Variants in WDFY3 observed in about 807,000 individuals in gnomAD.
WDFY3 encodes the protein WD repeat and FYVE domain-containing protein 3.
A neutral mutation model predicts 409.6 loss-of-function variants in WDFY3; 66 were observed. The ratio of observed to expected loss-of-function variants is 0.16; its 90% CI spans 0.13 to 0.20. WDFY3 has a LOEUF of 0.20. WDFY3 is among the 10% of genes least tolerant of loss of function. WDFY3 has a pLI of 1.00. For missense variants in WDFY3, 3,031 were observed against 4,298.1 expected (o/e 0.71, Z 8.24); for synonymous variants, 1,521 against 1,537.1 (o/e 0.99, Z 0.25).
At chr4:84,933,938 A>G (rs1267844480) in intron 1 of WDFY3, among the ~76,000 whole-genome samples, 3 of 152,070 alleles carry the variant, frequency 2.0e-5, no homozygotes, top group Admixed American at 6.6e-5. Flanking sequence ...ATAGACACTT[A>G]GTTTGCATCC....
At chr4:84,781,117 C>T (rs914315633) in intron 25 of WDFY3, among the ~76,000 whole-genome samples, 2 of 151,984 alleles carry the variant, frequency 1.3e-5, no homozygotes, top group African/African-American at 4.8e-5. Flanking sequence ...ACATTACTGA[C>T]CATTACCCAG....
chr4:84,694,049 A>G (rs1447137773), intron 58 of WDFY3, among the ~76,000 whole-genome samples: 2 of 152,190 alleles, frequency 1.3e-5, no homozygotes, highest in African/African-American at 4.8e-5. Context: ...TAAATACGAC[A>G]CCATCACACT....
intron 30 of WDFY3, among the ~76,000 whole-genome samples, chr4:84,769,041 A>G (rs565215552): frequency 3.3e-5 from 5 of 152,318 alleles, no homozygotes; most frequent in Admixed American, 1.3e-4. Flanking sequence ...CAGATGTGGT[A>G]GAAACAGCAA....
chr4:84,860,449 T>C lies in WDFY3; in HGVS notation c.143A>G (p.Glu48Gly). The change falls in exon 4 of 68, where the codon GAA becomes GGA. Residue 48 changes from glutamate (E) to glycine (G), a missense_variant. Physicochemically the swap from Glu to Gly is moderately conservative, Grantham distance 98 (BLOSUM62 -2). Coordinates refer to ENST00000295888, the MANE Select transcript of WDFY3 (RefSeq NM_014991.6). ...PPRHMTQKEQ[E>G]EKLYMMLPVF... Reference sequence around the variant, plus strand: ...TGGCAGCATCATATACAGTTTCTCTTCTTGTTCCTTCTGAGTCATGTGCCG... The same window carrying C: ...TGGCAGCATCATATACAGTTTCTCTCCTTGTTCCTTCTGAGTCATGTGCCG... The C allele has an allele frequency of 3.1e-6, 5 of 1,614,090 alleles. No homozygotes were observed. The highest frequency in any genetic ancestry group is 4.2e-6 in the Non-Finnish European group (5 of 1,179,998).
intron 1 of WDFY3, among the ~76,000 whole-genome samples, chr4:84,941,717 C>G (rs1019913786): frequency 1.3e-5 from 2 of 151,854 alleles, no homozygotes; most frequent in Admixed American, 1.3e-4. Flanking sequence ...CAAGAATAGT[C>G]AAAACGATTT....
chr4:84,830,222 G>A (rs1446240510), intron 8 of WDFY3, among the ~76,000 whole-genome samples: 1 of 152,106 alleles, frequency 6.6e-6, no homozygotes, highest in Non-Finnish European at 1.5e-5. Context: ...TTCTCAACTT[G>A]ATGATTTGAC....
In WDFY3 at chr4:84,735,064, T is replaced by A. The variant is rs1231687574; in HGVS notation, c.6972A>T (p.Thr2324=). 6.2e-7 allele frequency: 1 copy of A among 1,613,068 alleles called. No individual in the cohort carries two copies. The highest frequency in any genetic ancestry group is 1.1e-5 in the South Asian group (1 of 90,992). The change falls in exon 43 of 68, where the codon ACA becomes ACT. Residue 2324 remains threonine, a synonymous_variant. Transcript: ENST00000295888. ...HIAVVRDLVD[T]QYKEYQERQQ... Reference sequence around the variant, plus strand: ...TTACCTCCTGATATTCTTTATATTGTGTATCTACTAAGTCACGAACAACAG... The same window carrying A: ...TTACCTCCTGATATTCTTTATATTGAGTATCTACTAAGTCACGAACAACAG...
At chr4:84,793,489 A>C (rs182893870) in intron 21 of WDFY3, among the ~76,000 whole-genome samples, 1 of 152,284 alleles carries the variant, frequency 6.6e-6, no homozygotes, top group East Asian at 1.9e-4. Context: ...CTAGTTCATT[A>C]TTTTTTCCCA....
At chr4:84,717,312 T>G (rs990937062) in intron 48 of WDFY3, among the ~76,000 whole-genome samples, 1 of 152,184 alleles carries the variant, frequency 6.6e-6, no homozygotes, top group Non-Finnish European at 1.5e-5. Context: ...AGAAAATGTC[T>G]TAATTTCTTT....
chr4:84,860,880 T>C (rs1760514460), intron 3 of WDFY3, among the ~76,000 whole-genome samples: 1 of 152,158 alleles, frequency 6.6e-6, no homozygotes, highest in Admixed American at 6.5e-5. Context: ...ATCAGACAAG[T>C]AATAAATGTT....
intron 49 of WDFY3, among the ~76,000 whole-genome samples, chr4:84,715,680 C>T (rs914046522): frequency 6.8e-6 from 1 of 147,128 alleles, no homozygotes; most frequent in Admixed American, 7.1e-5. Flanking sequence ...GAGGCTGAGG[C>T]AGGAGAATGG....
At chr4:84,897,550 T>C (rs1765803688) in intron 2 of WDFY3, among the ~76,000 whole-genome samples, 1 of 152,076 alleles carries the variant, frequency 6.6e-6, no homozygotes, top group African/African-American at 2.4e-5. Flanking sequence ...GCCTGGCTAA[T>C]TTTTACATTT....
intron 38 of WDFY3, 102 bp from the exon 39 acceptor site, chr4:84,740,518 C>A: frequency 9.1e-7 from 1 of 1,104,068 alleles, no homozygotes. Context: ...ATACCAGATG[C>A]CATGCTAAGT....
chr4:84,678,671 T>G (rs182501981), intron 65 of WDFY3, among the ~76,000 whole-genome samples: 173 of 152,346 alleles, frequency 1.1e-3, no homozygotes, highest in Non-Finnish European at 2.1e-3. Context: ...GTTTCTAGTT[T>G]GAGGTATTTT....
intron 30 of WDFY3, among the ~76,000 whole-genome samples, chr4:84,770,006 T>A (rs895382643): frequency 6.6e-6 from 1 of 151,660 alleles, no homozygotes; most frequent in African/African-American, 2.4e-5. Flanking sequence ...TTTTTAGCAA[T>A]AAAAAACTTT....
chr4:84,707,975 A>C (rs1732257611), intron 53 of WDFY3, among the ~76,000 whole-genome samples: 1 of 152,208 alleles, frequency 6.6e-6, no homozygotes, highest in African/African-American at 2.4e-5. Context: ...AAGGATAAGC[A>C]GTCATGATTC....
chr4:84,768,109 CAA>C (rs1328755231), intron 30 of WDFY3, among the ~76,000 whole-genome samples: 1 of 151,948 alleles, frequency 6.6e-6, no homozygotes, highest in Non-Finnish European at 1.5e-5. Flanking sequence ...AAAGAAAAAA[CAA>C]AGAAAAGCTG....
chr4:84,692,747 T>C, intron 59 of WDFY3, 138 bp downstream of exon 59: 1 of 780,506 alleles, frequency 1.3e-6, no homozygotes, highest in Non-Finnish European at 1.9e-6. Context: ...AGTAGGTATT[T>C]AGTAATCTAA....
At position 84,836,909 on chromosome 4, in the gene WDFY3, G is replaced by C. The variant is rs763828373; in HGVS notation, c.576+20C>G. 2 of 1,479,460 alleles carry C rather than the reference G, an allele frequency of 1.4e-6. No homozygotes were observed. Among genetic ancestry groups the C allele is most frequent in the African/African-American group, 1.4e-5 (1 of 71,054 alleles). The allele number at this position is 1,479,460 out of a possible 1,614,324, so 91.6% of individuals were successfully genotyped here. A position where few individuals can be genotyped will look rare whatever the true frequency, so the allele number is the denominator to read the frequency against. On this transcript the variant is annotated intron_variant, in intron 7 of 67. Coordinates refer to ENST00000295888, the MANE Select transcript of WDFY3 (RefSeq NM_014991.6). The stretch of plus-strand genomic sequence containing the variant: ...TTCCCTTTAAATAGGGTGGAGGTAG[G>C]CAAATAGCACCTTTCATACCTGTAC...
Sources: gnomAD v4.1 joint callset for allele counts (sites outside exome capture counted in the v4.1 genomes callset) on GRCh38, gnomAD v4.1.1 for gene constraint, MANE v1.5 for transcripts, NCBI Gene and HGNC (gene_info 2026-07-23, HGNC 2026-07-21) for gene names.